Variants in DNASE2B observed in about 807,000 individuals in gnomAD.
DNASE2B encodes deoxyribonuclease-2-beta.
Under a neutral mutation model 46.0 loss-of-function variants are expected in DNASE2B, and 43 were observed. The observed-to-expected ratio is 0.94, with a 90% CI of 0.73 to 1.21. The LOEUF (loss-of-function observed/expected upper bound fraction) is 1.21. Ranked by LOEUF, DNASE2B falls within the 50% of genes most tolerant of loss-of-function variation. The pLI is 0.00. For synonymous variants in DNASE2B, 156 were observed against 152.5 expected (o/e 1.02, Z -0.17); for missense variants, 395 against 414.4 (o/e 0.95, Z 0.41).
At chr1:84,408,386 C>A (rs564558511) in intron 2 of DNASE2B, 51 bp from the exon 3 acceptor site, 2 of 1,548,004 alleles carry the variant, frequency 1.3e-6, no homozygotes, top group Admixed American at 1.9e-5. Flanking sequence ...ATGTTGTGGG[C>A]GTTTGTAAGT....
chr1:84,407,907 GAGGA>G (rs1298182495), intron 2 of DNASE2B, among the ~76,000 whole-genome samples: 1 of 152,070 alleles, frequency 6.6e-6, no homozygotes, highest in Non-Finnish European at 1.5e-5. Flanking sequence ...CTCATAATGG[GAGGA>G]AGGGAGAGCA....
intron 2 of DNASE2B, among the ~76,000 whole-genome samples, chr1:84,404,776 C>G (rs12125825): frequency 7.9e-5 from 12 of 152,192 alleles, no homozygotes; most frequent in African/African-American, 2.9e-4. Context: ...GTTGCCCAGG[C>G]CTTCTTATTG....
At chr1:84,408,632 GTTTA>G (rs1198138129) in intron 3 of DNASE2B, 114 bp downstream of exon 3, 22 of 735,222 alleles carry the variant, frequency 3.0e-5, no homozygotes, top group Non-Finnish European at 3.9e-5. Flanking sequence ...CTTCTTAATA[GTTTA>G]TTTGAGTTAT....
intron 2 of DNASE2B, among the ~76,000 whole-genome samples, chr1:84,403,133 A>G (rs1330940625): frequency 1.3e-5 from 2 of 152,236 alleles, no homozygotes; most frequent in Non-Finnish European, 2.9e-5. Flanking sequence ...TGCTTTTCAA[A>G]ATTATTTGTC....
Position 84,402,043 on chromosome 1 carries a change from A to G in DNASE2B, c.268A>G (p.Thr90Ala). 1 of 1,607,870 alleles carries G rather than the reference A, an allele frequency of 6.2e-7. No homozygotes were observed. Among genetic ancestry groups the G allele is most frequent in the Non-Finnish European group, 8.5e-7 (1 of 1,178,102 alleles). ...TGACACCAAGAGTGTTTTGGGAAGG[A>G]CATTACAACAGCTATATGAAGCATA... ...MNDTKSVLGR[T>A]LQQLYEAYAS... Residue 90 changes from threonine to alanine, a missense_variant, in exon 2 of 6, where the codon ACA (threonine) becomes GCA (alanine). Thr to Ala is a moderately conservative substitution (Grantham distance 58). Transcript: ENST00000370665.
intron 2 of DNASE2B, among the ~76,000 whole-genome samples, chr1:84,407,746 C>T (rs1446653152): frequency 6.6e-6 from 1 of 151,962 alleles, no homozygotes; most frequent in Admixed American, 6.6e-5. Context: ...TATTTTGGCT[C>T]TAAGATTTGG....
chr1:84,412,687 G>A lies in DNASE2B; in HGVS notation c.745+141G>A, dbSNP rs1054598588. On this transcript the variant is annotated intron_variant, in intron 5 of 5. Coordinates refer to ENST00000370665, the MANE Select transcript of DNASE2B (RefSeq NM_021233.3). ...AAAGAAAAGGAAAAAGGAAAGTCAC[G>A]GATCAGTTCAAACATCAGCCGGCTA... is the stretch of plus-strand genomic sequence containing the variant. 33 of 854,474 alleles carry A rather than the reference G, an allele frequency of 3.9e-5. No individual in the cohort carries two copies. In the Admixed American group the frequency reaches 6.0e-4, roughly 15 times the overall value. The allele number at this position is 854,474 out of a possible 1,614,324, so 52.9% of individuals were successfully genotyped here.
chr1:84,410,970 C>A lies in DNASE2B; in HGVS notation c.518C>A (p.Thr173Asn). The A allele has an allele frequency of 6.2e-7, 1 of 1,611,794 alleles. No individual in the cohort carries two copies. The highest frequency in any genetic ancestry group is 8.5e-7 in the Non-Finnish European group (1 of 1,178,946). ...AATGGACAAAGTGGCATCTGCATAACTTTCAAGTACAACCAGTATGAGGCA... is the reference window on the plus strand; with the variant it reads ...AATGGACAAAGTGGCATCTGCATAAATTTCAAGTACAACCAGTATGAGGCA... ...RRNGQSGICI[T>N]FKYNQYEAID... Residue 173 changes from threonine to asparagine, a missense_variant, in exon 4 of 6, where the codon ACT becomes AAT. Thr to Asn is a moderately conservative substitution (Grantham distance 65, BLOSUM62 0). Transcript: ENST00000370665.
intron 5 of DNASE2B, among the ~76,000 whole-genome samples, chr1:84,413,001 G>C (rs1406676534): frequency 2.2e-5 from 1 of 44,962 alleles, no homozygotes. Context: ...CTTCCTTTTT[G>C]CAGGGTTTCT....
chr1:84,398,770 G>T (rs1680350506), intron 1 of DNASE2B, 81 bp downstream of exon 1: 8 of 1,548,390 alleles, frequency 5.2e-6, no homozygotes, highest in South Asian at 1.2e-5. Flanking sequence ...AAGTTCCTAA[G>T]GGGAATGTCC....
rs1282866169 is a variant in DNASE2B, at chr1:84,414,939, T to C, written c.*71T>C. 1.8e-5 allele frequency: 21 copies of C among 1,150,420 alleles called. No homozygotes were observed. The highest frequency in any genetic ancestry group is 4.9e-5 in the East Asian group (2 of 40,524). The allele number at this position is 1,150,420 out of a possible 1,614,324, so 71.3% of individuals were successfully genotyped here. The stretch of plus-strand genomic sequence containing the variant: ...GGGTCTTCTTCCATTACACCTTCTT[T>C]ATATTTTAAAGGCCTGTGAATATAC... On this transcript the variant is annotated 3_prime_UTR_variant, in exon 6 of 6. Coordinates refer to ENST00000370665, the MANE Select transcript of DNASE2B (RefSeq NM_021233.3).
chr1:84,408,262 T>C, intron 2 of DNASE2B, 175 bp from the exon 3 acceptor site: 2 of 1,056,012 alleles, frequency 1.9e-6, no homozygotes, highest in Non-Finnish European at 2.5e-6. Context: ...TTCTTTCCCC[T>C]GTCTTTCATG....
intron 5 of DNASE2B, among the ~76,000 whole-genome samples, chr1:84,412,940 A>C (rs1680627733): frequency 6.6e-6 from 1 of 151,140 alleles, no homozygotes. Context: ...GGGAGAAACC[A>C]CTTCTATATG....
At chr1:84,405,597 A>G (rs1415765657) in intron 2 of DNASE2B, among the ~76,000 whole-genome samples, 1 of 152,168 alleles carries the variant, frequency 6.6e-6, no homozygotes, top group East Asian at 1.9e-4. Flanking sequence ...GGTTTTATTC[A>G]AGGTTTCTGA....
At chr1:84,403,856 A>G in intron 2 of DNASE2B, among the ~76,000 whole-genome samples, 1 of 151,368 alleles carries the variant, frequency 6.6e-6, no homozygotes, top group Non-Finnish European at 1.5e-5. Flanking sequence ...GCACCATAAG[A>G]GCTATCTGTT....
Position 84,414,708 on chromosome 1 carries a change from G to A in DNASE2B, c.926G>A (p.Cys309Tyr), listed in dbSNP as rs1680664386. The A allele has an allele frequency of 6.2e-7, 1 of 1,614,092 alleles. No homozygotes were observed. The highest frequency in any genetic ancestry group is 8.5e-7 in the Non-Finnish European group (1 of 1,180,046). The change falls in exon 6 of 6, where the codon TGT becomes TAT. Residue 309 changes from cysteine to tyrosine, a missense_variant. Coordinates refer to ENST00000370665, the MANE Select transcript of DNASE2B (RefSeq NM_021233.3). Reference sequence around the variant, plus strand: ...TCTTATCAAGATCATGCCAAGTGGTGTATTTCCCAAAAGGGCACCAAAAAT... The same window carrying A: ...TCTTATCAAGATCATGCCAAGTGGTATATTTCCCAAAAGGGCACCAAAAAT... ...FSSYQDHAKW[C>Y]ISQKGTKNRW...
rs527315177 is a variant in DNASE2B at position 84,412,967 on chromosome 1, C to A, written c.745+421C>A. Among the ~76,000 whole-genome samples, 4 of 148,604 alleles carry A rather than the reference C, an allele frequency of 2.7e-5. No homozygotes were observed. In the East Asian group the frequency reaches 7.8e-4, roughly 29 times the overall value. ...TTCTATATGCTACCCCCCCCCCACCCCTCCAACAATCTTATCTGTTCTCCT... is the reference window on the plus strand; with the variant it reads ...TTCTATATGCTACCCCCCCCCCACCACTCCAACAATCTTATCTGTTCTCCT... On this transcript the variant is annotated intron_variant, in intron 5 of 5. Coordinates refer to ENST00000370665, the MANE Select transcript of DNASE2B (RefSeq NM_021233.3).
chr1:84,412,421 T>C lies in DNASE2B; in HGVS notation c.620T>C (p.Ile207Thr), dbSNP rs375738904. ...CCAGCCACCTTTCACCAGGAGCTCA[T>C]TCACATGCCCCAGCTGTGCACCAGG... ...SIPATFHQEL[I>T]HMPQLCTRAS... Residue 207 changes from isoleucine (I) to threonine (T), a missense_variant, in exon 5 of 6, where the codon ATT becomes ACT. By Grantham distance (89) the Ile-to-Thr change is moderately conservative. Coordinates refer to ENST00000370665, the MANE Select transcript of DNASE2B (RefSeq NM_021233.3). The C allele has an allele frequency of 3.1e-6, 5 of 1,613,298 alleles. No individual in the cohort carries two copies. In the African/African-American group the frequency reaches 6.7e-5, roughly 22 times the overall value.
intron 1 of DNASE2B, among the ~76,000 whole-genome samples, chr1:84,399,346 T>G (rs1025035284): frequency 1.3e-5 from 2 of 152,240 alleles, no homozygotes; most frequent in African/African-American, 4.8e-5. Flanking sequence ...GCTTTTTGTG[T>G]AAACTTCAGG....
Sources: gnomAD v4.1 joint callset for allele counts (sites outside exome capture counted in the v4.1 genomes callset) on GRCh38, gnomAD v4.1.1 for gene constraint, MANE v1.5 for transcripts, NCBI Gene and HGNC (gene_info 2026-07-23, HGNC 2026-07-21) for gene names.